DYNC2H1: variants seen among roughly 807,000 people sequenced by gnomAD.
DYNC2H1 encodes cytoplasmic dynein 2 heavy chain 1.
A neutral mutation model predicts 570.0 loss-of-function variants in DYNC2H1; 410 were observed. That is an observed-to-expected ratio of 0.72 (90% CI 0.66 to 0.78). The LOEUF is 0.78. Among genes scored for constraint, DYNC2H1 ranks in the 30% least tolerant of loss-of-function variants. The probability of loss-of-function intolerance (pLI) is 0.00; values close to 1 mark genes in which losing one functional copy is unlikely to be tolerated. For missense variants in DYNC2H1, 4,865 were observed against 5,046.4 expected, an observed-to-expected ratio of 0.96 and a Z score of 1.09; for synonymous variants, 1,688 against 1,677.6, an observed-to-expected ratio of 1.01 and a Z score of -0.15.
Position 103,153,444 on chromosome 11 carries a change from G to A in DYNC2H1, c.3238G>A (p.Ala1080Thr). ...CCAACATAATACTCTTGATAAAAGT[G>A]CAAAGTTAATAAAAGAGAAAAAAAT... ...TGQHNTLDKSAKLIKEKKIEF... is the reference protein window; with the variant it reads ...TGQHNTLDKSTKLIKEKKIEF... Residue 1080 changes from alanine (A) to threonine (T), a missense_variant, in exon 22 of 89, where the codon GCA becomes ACA. Ala to Thr is a moderately conservative substitution (Grantham distance 58, BLOSUM62 0). Around this residue, in one of 5 missense-constraint regions of DYNC2H1, gnomAD observed 1,936 missense variants for 1,962.1 expected, o/e 0.99. Transcript: ENST00000375735. 3.8e-6 allele frequency: 6 copies of A among 1,569,742 alleles called. No homozygotes were observed. The highest frequency in any genetic ancestry group is 5.2e-6 in the Non-Finnish European group (6 of 1,157,604).
chr11:103,391,039 G>A (rs1029707512), intron 83 of DYNC2H1, among the ~76,000 whole-genome samples: 1 of 152,130 alleles, frequency 6.6e-6, no homozygotes, highest in African/African-American at 2.4e-5. Flanking sequence ...TCTGAATGTT[G>A]GCCTGTCTTG....
Position 103,204,799 on chromosome 11 carries a change from T to A in DYNC2H1, c.8312-23T>A. 1 of 1,558,512 alleles carries A rather than the reference T, an allele frequency of 6.4e-7. No homozygotes were observed. The highest frequency in any genetic ancestry group is 8.7e-7 in the Non-Finnish European group (1 of 1,148,932). On this transcript the variant is annotated intron_variant, in intron 51 of 88. Transcript: ENST00000375735. The surrounding 1 kb of genome is among the most constrained non-coding windows in gnomAD (Gnocchi z 4.1). ...CCACGTATAGATTGCCTGATTGTAT[T>A]ATTATTCTTATATATTTCTTAGGAA...
intron 85 of DYNC2H1, among the ~76,000 whole-genome samples, chr11:103,444,251 C>A (rs1402413421): frequency 1.3e-5 from 2 of 151,670 alleles, no homozygotes; most frequent in East Asian, 1.9e-4. Flanking sequence ...AATAATTATT[C>A]TTTAAATTCT....
rs367834540 is a variant in DYNC2H1 at position 103,233,871 on chromosome 11, TGTGTGTGG to T, written c.9441-160_9441-153del. ...GTGTGTGTGTGTGTGTGTGTGTGTGTGTGTGTGGGTTTGTCTCTTCTATTAATGATACT... is the reference window on the plus strand; with the variant it reads ...GTGTGTGTGTGTGTGTGTGTGTGTGTGTTTGTCTCTTCTATTAATGATACT... On this transcript the variant is annotated intron_variant, in intron 60 of 88. Transcript: ENST00000375735. 0.022 allele frequency among the ~76,000 whole-genome samples: 2,066 copies of T among 94,304 alleles called. 38 individuals are homozygous for T. Among genetic ancestry groups the T allele is most frequent in the South Asian group, 0.047 (127 of 2,726 alleles). 61.9% of individuals were successfully genotyped at this position (94,304 alleles called of 152,430 possible). A position where few individuals can be genotyped will look rare whatever the true frequency, so the allele number is the denominator to read the frequency against.
Position 103,157,201 on chromosome 11 carries a change from T to TAGGACTAG in DYNC2H1, c.4127+431_4127+432insAGGACTAG, listed in dbSNP as rs1860876948. Among the ~76,000 whole-genome samples, 1 of 152,240 alleles carries TAGGACTAG rather than the reference T, an allele frequency of 6.6e-6. No homozygotes were observed. The highest frequency in any genetic ancestry group is 2.1e-4 in the South Asian group (1 of 4,834). ...CAACACATAGTTCCTAGTCCTTAGCTGTCTCCAAATCTTTAGATGTAGTCA... is the reference window on the plus strand; with the variant it reads ...CAACACATAGTTCCTAGTCCTTAGCTAGGACTAGGTCTCCAAATCTTTAGATGTAGTCA... On this transcript the variant is annotated intron_variant, in intron 26 of 88. Transcript: ENST00000375735. The surrounding 1 kb of genome is among the most constrained non-coding windows in gnomAD (Gnocchi z 4.2).
At chr11:103,242,645 G>A (rs1864464066) in intron 63 of DYNC2H1, among the ~76,000 whole-genome samples, 1 of 152,128 alleles carries the variant, frequency 6.6e-6, no homozygotes, top group Non-Finnish European at 1.5e-5. Flanking sequence ...TCATACATAT[G>A]ATATACATTT....
rs903623057 is a variant in DYNC2H1, at chr11:103,245,392, T to G, written c.10042+18T>G. On this transcript the variant is annotated intron_variant, in intron 65 of 88. Coordinates refer to ENST00000375735, the MANE Select transcript of DYNC2H1 (RefSeq NM_001377.3). The surrounding 1 kb of genome is among the most constrained non-coding windows in gnomAD (Gnocchi z 4.5). Reference sequence around the variant, plus strand: ...TGCTCAAGGTAAATAATTGACACTTTCCAGAGTGTAAATATTTTTAAAATT... The same window carrying G: ...TGCTCAAGGTAAATAATTGACACTTGCCAGAGTGTAAATATTTTTAAAATT... 9.6e-6 allele frequency: 15 copies of G among 1,558,464 alleles called. No homozygotes were observed. The highest frequency in any genetic ancestry group is 1.2e-5 in the South Asian group (1 of 80,956).
chr11:103,411,227 A>G (rs1943074140), intron 84 of DYNC2H1, among the ~76,000 whole-genome samples: 2 of 152,144 alleles, frequency 1.3e-5, no homozygotes, highest in Non-Finnish European at 2.9e-5. Flanking sequence ...TTTAAAGTTG[A>G]GTTGGCAGAG....
chr11:103,467,951 T>C (rs1372179379), intron 87 of DYNC2H1, among the ~76,000 whole-genome samples: 1 of 152,202 alleles, frequency 6.6e-6, no homozygotes, highest in Non-Finnish European at 1.5e-5. Context: ...ATACTGACTC[T>C]ACATTTGTTA....
intron 36 of DYNC2H1, among the ~76,000 whole-genome samples, chr11:103,174,501 A>T (rs1322198113): frequency 6.6e-6 from 1 of 152,136 alleles, no homozygotes; most frequent in African/African-American, 2.4e-5. Flanking sequence ...TTCAATGTCC[A>T]TTGGAATCAC....
intron 66 of DYNC2H1, among the ~76,000 whole-genome samples, chr11:103,253,992 A>G (rs1565434773): frequency 1.3e-5 from 2 of 152,136 alleles, no homozygotes; most frequent in Admixed American, 1.3e-4. Flanking sequence ...TCCCCTTTAA[A>G]GATATAATGC....
At position 103,177,034 on chromosome 11, in the gene DYNC2H1, A is replaced by G. The variant is rs1861849385; in HGVS notation, c.5875-522A>G. On this transcript the variant is annotated intron_variant, in intron 37 of 88. Coordinates refer to ENST00000375735, the MANE Select transcript of DYNC2H1 (RefSeq NM_001377.3). This position sits in a 1 kb window ranked among gnomAD's most constrained non-coding sequence, Gnocchi z 4.4. The stretch of plus-strand genomic sequence containing the variant: ...CATATATATTTTTGCTCACCATTTC[A>G]TTTCTATTGCCTGTTATAGTACCTA... 6.6e-6 allele frequency among the ~76,000 whole-genome samples: 1 copy of G among 151,830 alleles called. No homozygotes were observed. The highest frequency in any genetic ancestry group is 6.6e-5 in the Admixed American group (1 of 15,222).
At chr11:103,337,865 A>G (rs578259911) in intron 82 of DYNC2H1, among the ~76,000 whole-genome samples, 14 of 152,164 alleles carry the variant, frequency 9.2e-5, no homozygotes, top group South Asian at 6.2e-4. Context: ...TTTGCTGTGC[A>G]GAAGCTTTTT....
Position 103,174,161 on chromosome 11 carries a change from A to G in DYNC2H1, c.5665A>G (p.Thr1889Ala). The G allele has an allele frequency of 6.4e-7, 1 of 1,571,114 alleles. No homozygotes were observed. The highest frequency in any genetic ancestry group is 8.7e-7 in the Non-Finnish European group (1 of 1,155,796). The change falls in exon 36 of 89, where the codon ACA becomes GCA. Residue 1889 changes from threonine to alanine, a missense_variant. Transcript: ENST00000375735. ...LLRQLNKSGT[T>A]QNANESHIVV... ...TAGACAGCTAAACAAAAGTGGCACTACACAGAATGGTATGATTGATTATTC... is the reference window on the plus strand; with the variant it reads ...TAGACAGCTAAACAAAAGTGGCACTGCACAGAATGGTATGATTGATTATTC...
chr11:103,400,240 A>C (rs1183147315), intron 84 of DYNC2H1, among the ~76,000 whole-genome samples: 2 of 152,116 alleles, frequency 1.3e-5, no homozygotes, highest in African/African-American at 4.8e-5. Flanking sequence ...CACACACAAA[A>C]ATCTTAGGAT....
At chr11:103,171,127 C>T (rs1232436559) in intron 34 of DYNC2H1, 59 bp downstream of exon 34, 3 of 1,287,454 alleles carry the variant, frequency 2.3e-6, no homozygotes, top group Non-Finnish European at 3.1e-6. Context: ...TGATATTACT[C>T]ATACTTAAGC....
In DYNC2H1 at chr11:103,241,511, C is replaced by A; in HGVS notation, c.9820-2182C>A. 6.3e-7 allele frequency: 1 copy of A among 1,591,212 alleles called. No individual in the cohort carries two copies. Among genetic ancestry groups the A allele is most frequent in the South Asian group, 1.1e-5 (1 of 89,564 alleles). Reference sequence around the variant, plus strand: ...TTTGAAATGTTACCTTTCTTCTTTTCATTTAACTGCATCAGATCATTGGTT... The same window carrying A: ...TTTGAAATGTTACCTTTCTTCTTTTAATTTAACTGCATCAGATCATTGGTT... On this transcript the variant is annotated intron_variant, in intron 63 of 88. Coordinates refer to ENST00000375735, the MANE Select transcript of DYNC2H1 (RefSeq NM_001377.3). The surrounding 1 kb of genome is among the most constrained non-coding windows in gnomAD (Gnocchi z 5.1).
intron 43 of DYNC2H1, among the ~76,000 whole-genome samples, 199 bp from the exon 44 acceptor site, chr11:103,188,298 A>G (rs1862157057): frequency 6.6e-6 from 1 of 152,190 alleles, no homozygotes; most frequent in African/African-American, 2.4e-5. Flanking sequence ...AATTTAGCTA[A>G]CATTCATAGA....
At chr11:103,359,925 A>G (rs912726935) in intron 83 of DYNC2H1, among the ~76,000 whole-genome samples, 1 of 152,006 alleles carries the variant, frequency 6.6e-6, no homozygotes, top group Non-Finnish European at 1.5e-5. Context: ...TCAGCCTCCC[A>G]TAGTGCTGGG....
Sources: allele counts gnomAD v4.1 joint callset (sites outside exome capture counted in the v4.1 genomes callset), GRCh38; gene constraint gnomAD v4.1.1; regional missense constraint gnomAD v4.1.1; non-coding constraint Gnocchi (gnomAD v3.1); transcripts MANE v1.5; gene names NCBI Gene and HGNC (gene_info 2026-07-23, HGNC 2026-07-21).